ANKRD13C: variants seen among roughly 807,000 people sequenced by gnomAD.
The protein encoded by ANKRD13C is ankyrin repeat domain-containing protein 13C.
Under a neutral mutation model 65.5 loss-of-function variants are expected in ANKRD13C, and 16 were observed. The observed-to-expected ratio is 0.24, with a 90% CI of 0.17 to 0.37. The LOEUF (loss-of-function observed/expected upper bound fraction) is 0.37. ANKRD13C is among the 10% of genes least tolerant of loss of function. The pLI is 1.00. For missense variants in ANKRD13C, 503 were observed against 655.9 expected, an observed-to-expected ratio of 0.77 and a Z score of 2.55; for synonymous variants, 235 against 238.7, an observed-to-expected ratio of 0.98 and a Z score of 0.14.
intron 5 of ANKRD13C, among the ~76,000 whole-genome samples, chr1:70,310,003 A>T (rs1236478152): frequency 3.3e-5 from 5 of 152,022 alleles, no homozygotes; most frequent in Admixed American, 3.3e-4. Context: ...AAAAATGAAG[A>T]ATAAAGCTCA....
At chr1:70,271,784 T>C (rs1678893367) in intron 11 of ANKRD13C, among the ~76,000 whole-genome samples, 1 of 152,218 alleles carries the variant, frequency 6.6e-6, no homozygotes, top group Non-Finnish European at 1.5e-5. Flanking sequence ...TAGATTTAGT[T>C]CTTCATTACA....
intron 8 of ANKRD13C, chr1:70,293,520 AAGATCACCT>A (rs1320866236): frequency 1.0e-6 from 1 of 981,880 alleles, no homozygotes; most frequent in Non-Finnish European, 1.2e-6. Flanking sequence ...AAGATTTAAG[AAGATCACCT>A]AGATGCTTCA....
chr1:70,340,328 A>G (rs1361700300), intron 1 of ANKRD13C, among the ~76,000 whole-genome samples: 1 of 152,120 alleles, frequency 6.6e-6, no homozygotes, highest in Non-Finnish European at 1.5e-5. Context: ...TTGATGATTG[A>G]TATTTTAGCC....
intron 3 of ANKRD13C, among the ~76,000 whole-genome samples, chr1:70,321,541 C>T (rs1307860632): frequency 6.6e-6 from 1 of 152,100 alleles, no homozygotes; most frequent in African/African-American, 2.4e-5. Flanking sequence ...TGACATAAGT[C>T]TGCACAAACT....
At chr1:70,297,672 T>C (rs1680149367) in intron 7 of ANKRD13C, among the ~76,000 whole-genome samples, 1 of 148,336 alleles carries the variant, frequency 6.7e-6, no homozygotes, top group African/African-American at 2.5e-5. Flanking sequence ...TCCCAGCACT[T>C]TGGGAGGCCA....
Position 70,259,671 on chromosome 1 carries a change from T to G in ANKRD13C, c.*3046A>C, listed in dbSNP as rs1210076724. On this transcript the variant is annotated 3_prime_UTR_variant, in exon 13 of 13. Coordinates refer to ENST00000370944, the MANE Select transcript of ANKRD13C (RefSeq NM_030816.5). ...AATCATGGGCTTTTACCAAGCTTAG[T>G]TCTGCTATCTATCTTTACAAGTGAC... Among the ~76,000 whole-genome samples, 1 of 152,240 alleles carries G rather than the reference T, an allele frequency of 6.6e-6. No homozygotes were observed. The highest frequency in any genetic ancestry group is 1.5e-5 in the Non-Finnish European group (1 of 68,024).
intron 2 of ANKRD13C, among the ~76,000 whole-genome samples, chr1:70,329,213 T>C (rs919800773): frequency 6.6e-6 from 1 of 152,124 alleles, no homozygotes; most frequent in Non-Finnish European, 1.5e-5. Flanking sequence ...AACATGCATG[T>C]ATTAGTAACC....
chr1:70,339,040 G>A (rs1183749301), intron 1 of ANKRD13C, among the ~76,000 whole-genome samples: 1 of 152,008 alleles, frequency 6.6e-6, no homozygotes, highest in African/African-American at 2.4e-5. Flanking sequence ...GGCCAACATG[G>A]CAAAACCCCG....
chr1:70,348,994 T>C (rs1682640476), intron 1 of ANKRD13C, among the ~76,000 whole-genome samples: 1 of 152,186 alleles, frequency 6.6e-6, no homozygotes, highest in South Asian at 2.1e-4. Flanking sequence ...TAAAAGCTTC[T>C]GACTAGCATC....
chr1:70,278,032 A>G (rs1679215186), intron 9 of ANKRD13C, among the ~76,000 whole-genome samples: 1 of 151,798 alleles, frequency 6.6e-6, no homozygotes, highest in African/African-American at 2.4e-5. Context: ...TTAAAAAAAA[A>G]AAAAAAATTA....
At chr1:70,273,321 G>A (rs544779786) in intron 11 of ANKRD13C, among the ~76,000 whole-genome samples, 1 of 152,168 alleles carries the variant, frequency 6.6e-6, no homozygotes, top group African/African-American at 2.4e-5. Context: ...GAAAGGGAAG[G>A]AACTAGTAAG....
intron 1 of ANKRD13C, among the ~76,000 whole-genome samples, chr1:70,336,695 T>A (rs1169497604): frequency 4.6e-5 from 7 of 152,080 alleles, no homozygotes; most frequent in Admixed American, 3.3e-4. Context: ...AGATTTTTTT[T>A]AAAGTGATCC....
chr1:70,303,012 C>T (rs1680444468), intron 6 of ANKRD13C, among the ~76,000 whole-genome samples: 1 of 151,994 alleles, frequency 6.6e-6, no homozygotes, highest in South Asian at 2.1e-4. Flanking sequence ...TAAAGAGATG[C>T]ACAGAAAGAC....
At chr1:70,344,963 T>G (rs2101624648) in intron 1 of ANKRD13C, among the ~76,000 whole-genome samples, 1 of 152,260 alleles carries the variant, frequency 6.6e-6, no homozygotes, top group East Asian at 1.9e-4. Context: ...CTATTTAAAT[T>G]ATTTAATTAA....
At chr1:70,329,835 G>C (rs950769024) in intron 2 of ANKRD13C, among the ~76,000 whole-genome samples, 5 of 152,082 alleles carry the variant, frequency 3.3e-5, no homozygotes, top group Admixed American at 2.0e-4. Context: ...GCTCACGCCT[G>C]TAATCCCAGC....
chr1:70,297,539 G>A (rs1259187499), intron 7 of ANKRD13C, among the ~76,000 whole-genome samples: 3 of 147,746 alleles, frequency 2.0e-5, no homozygotes, highest in South Asian at 2.2e-4. Flanking sequence ...TGATCCGCCC[G>A]CCTCGGCCTC....
chr1:70,337,363 C>T (rs1406798683), intron 1 of ANKRD13C, among the ~76,000 whole-genome samples: 5 of 152,074 alleles, frequency 3.3e-5, no homozygotes, highest in African/African-American at 1.2e-4. Flanking sequence ...GCAGATCACC[C>T]GAGGTCAAGA....
intron 6 of ANKRD13C, among the ~76,000 whole-genome samples, chr1:70,304,641 T>C (rs1287214258): frequency 1.3e-5 from 2 of 152,046 alleles, no homozygotes; most frequent in African/African-American, 4.8e-5. Context: ...TCAAGTGATC[T>C]ACCTGCCTCA....
intron 9 of ANKRD13C, among the ~76,000 whole-genome samples, chr1:70,280,700 C>T (rs1023982181): frequency 6.6e-6 from 1 of 152,140 alleles, no homozygotes; most frequent in Non-Finnish European, 1.5e-5. Context: ...AGAGGGTTTA[C>T]TGTGATGATA....
Sources: gnomAD v4.1 joint callset for allele counts (sites outside exome capture counted in the v4.1 genomes callset) on GRCh38, gnomAD v4.1.1 for gene constraint, MANE v1.5 for transcripts, NCBI Gene and HGNC (gene_info 2026-07-23, HGNC 2026-07-21) for gene names.